Variants in EFCAB11 observed in about 807,000 individuals in gnomAD.
EFCAB11 encodes the protein EF-hand calcium binding domain 11.
EFCAB11 carries 14 observed loss-of-function variants against 23.0 expected under a neutral mutation model. The observed-to-expected ratio is 0.61, with a 90% CI of 0.40 to 0.95. EFCAB11 has a LOEUF of 0.95. Among genes scored for constraint, EFCAB11 ranks in the 40% least tolerant of loss-of-function variants. EFCAB11 has a pLI of 0.00. For synonymous variants in EFCAB11, 65 were observed against 66.6 expected (o/e 0.98, Z 0.11); for missense variants, 198 against 195.8 (o/e 1.01, Z -0.07).
At chr14:89,813,029 T>A (rs1306517542) in intron 5 of EFCAB11, among the ~76,000 whole-genome samples, 2 of 152,190 alleles carry the variant, frequency 1.3e-5, no homozygotes, top group Non-Finnish European at 2.9e-5. Flanking sequence ...GGGCAAATGG[T>A]ATGAATAGAT....
chr14:89,880,345 T>C (rs963150592), intron 5 of EFCAB11, among the ~76,000 whole-genome samples: 3 of 152,296 alleles, frequency 2.0e-5, no homozygotes, highest in South Asian at 4.1e-4. Flanking sequence ...GATCTTGGAC[T>C]TCCCAGCCTC....
At chr14:89,938,786 G>A (rs1890680391) in intron 3 of EFCAB11, among the ~76,000 whole-genome samples, 1 of 151,890 alleles carries the variant, frequency 6.6e-6, no homozygotes, top group African/African-American at 2.4e-5. Context: ...GCCAGGTGAG[G>A]TGGTGCCGCA....
intron 5 of EFCAB11, among the ~76,000 whole-genome samples, chr14:89,853,347 T>C (rs1012354507): frequency 1.6e-4 from 24 of 152,232 alleles, no homozygotes; most frequent in Admixed American, 3.3e-4. Flanking sequence ...GAAAGCTTCC[T>C]CTACTATATA....
At chr14:89,830,276 T>A (rs1886840094) in intron 5 of EFCAB11, 1 of 152,204 alleles carries the variant, frequency 6.6e-6, no homozygotes, top group Non-Finnish European at 1.5e-5. Context: ...ATATGGGAAT[T>A]CCATTTTCCC....
At chr14:89,885,038 T>A (rs985034250) in intron 5 of EFCAB11, among the ~76,000 whole-genome samples, 1 of 152,182 alleles carries the variant, frequency 6.6e-6, no homozygotes, top group Non-Finnish European at 1.5e-5. Context: ...TTCTGTTGTT[T>A]AAGCCACCCA....
intron 3 of EFCAB11, 122 bp downstream of exon 3, chr14:89,949,975 A>G: frequency 9.3e-7 from 1 of 1,074,094 alleles, no homozygotes; most frequent in Non-Finnish European, 1.3e-6. Context: ...TGATTCAGTT[A>G]CCTTCCACCA....
chr14:89,898,926 G>A (rs1889258837), intron 5 of EFCAB11, among the ~76,000 whole-genome samples: 1 of 151,818 alleles, frequency 6.6e-6, no homozygotes, highest in Non-Finnish European at 1.5e-5. Flanking sequence ...CTCCCACCTC[G>A]GACTCCCAAA....
intron 5 of EFCAB11, among the ~76,000 whole-genome samples, chr14:89,829,565 T>C (rs1333567891): frequency 1.3e-5 from 2 of 152,214 alleles, no homozygotes; most frequent in African/African-American, 2.4e-5. Flanking sequence ...ACAAAGAGGA[T>C]TGTTTATGCA....
chr14:89,941,121 A>G (rs551049062), intron 3 of EFCAB11, among the ~76,000 whole-genome samples: 1 of 152,334 alleles, frequency 6.6e-6, no homozygotes, highest in Non-Finnish European at 1.5e-5. Context: ...CCTCCCCTCC[A>G]TGAGACATCA....
chr14:89,921,945 T>TCTA (rs1286477758), intron 5 of EFCAB11, among the ~76,000 whole-genome samples: 1 of 152,184 alleles, frequency 6.6e-6, no homozygotes, highest in African/African-American at 2.4e-5. Flanking sequence ...AAGTTAGCTA[T>TCTA]CTACTACAAA....
At chr14:89,859,504 C>A (rs1369143284) in intron 5 of EFCAB11, among the ~76,000 whole-genome samples, 1 of 152,216 alleles carries the variant, frequency 6.6e-6, no homozygotes, top group Non-Finnish European at 1.5e-5. Flanking sequence ...CCTGTTCCTA[C>A]AAACTCAAAT....
chr14:89,865,439 A>G (rs1411412009), intron 5 of EFCAB11, among the ~76,000 whole-genome samples: 1 of 152,068 alleles, frequency 6.6e-6, no homozygotes, highest in African/African-American at 2.4e-5. Flanking sequence ...CTGAAGAGGG[A>G]AGGGATGCTA....
intron 5 of EFCAB11, among the ~76,000 whole-genome samples, chr14:89,865,500 T>C (rs192650237): frequency 2.7e-4 from 41 of 151,922 alleles, no homozygotes; most frequent in Admixed American, 4.6e-4. Flanking sequence ...TGGCTGGAGG[T>C]CTAAAAAAAA....
At chr14:89,889,218 A>T (rs1015482803) in intron 5 of EFCAB11, among the ~76,000 whole-genome samples, 10 of 152,228 alleles carry the variant, frequency 6.6e-5, no homozygotes, top group African/African-American at 2.4e-4. Flanking sequence ...TCACCATTTT[A>T]AGGAAATGTA....
At chr14:89,922,053 G>A (rs924212913) in intron 5 of EFCAB11, among the ~76,000 whole-genome samples, 30 of 152,252 alleles carry the variant, frequency 2.0e-4, no homozygotes, top group African/African-American at 7.2e-4. Flanking sequence ...TGACTGAAAG[G>A]GTTAGCAACA....
intron 5 of EFCAB11, among the ~76,000 whole-genome samples, chr14:89,804,018 C>T (rs1885877718): frequency 6.6e-6 from 1 of 152,236 alleles, no homozygotes; most frequent in Admixed American, 6.5e-5. Flanking sequence ...AGATGTGCTG[C>T]ATTCTCTTCG....
intron 5 of EFCAB11, among the ~76,000 whole-genome samples, chr14:89,803,952 C>G (rs191274360): frequency 2.8e-4 from 42 of 152,252 alleles, no homozygotes; most frequent in Admixed American, 4.6e-4. Context: ...ACAGGAAAGA[C>G]TAAAGAGATA....
chr14:89,841,302 C>T (rs1217170926), intron 5 of EFCAB11, among the ~76,000 whole-genome samples: 1 of 151,990 alleles, frequency 6.6e-6, no homozygotes, highest in East Asian at 1.9e-4. Flanking sequence ...TAACAATTTC[C>T]CCTTCTCTCT....
chr14:89,954,447 G>A, intron 1 of EFCAB11, 139 bp downstream of exon 1: 1 of 1,537,710 alleles, frequency 6.5e-7, no homozygotes, highest in African/African-American at 1.4e-5. Context: ...TCCAGGATCA[G>A]TCATTAACCA....
Sources: gnomAD v4.1 joint callset for allele counts (sites outside exome capture counted in the v4.1 genomes callset) on GRCh38, gnomAD v4.1.1 for gene constraint, MANE v1.5 for transcripts, NCBI Gene and HGNC (gene_info 2026-07-23, HGNC 2026-07-21) for gene names.